The following CNTLN variants were observed in gnomAD, a reference collection of about 807,000 sequenced individuals.
CNTLN encodes the protein centlein, centrosomal protein.
A neutral mutation model predicts 180.0 loss-of-function variants in CNTLN; 212 were observed. That is an observed-to-expected ratio of 1.18 (90% confidence interval 1.05 to 1.32). The LOEUF (loss-of-function observed/expected upper bound fraction) is 1.32. CNTLN is among the 40% of genes most tolerant of loss of function. CNTLN has a pLI of 0.00. For synonymous variants in CNTLN, 722 were observed against 563.1 expected (o/e 1.28, Z -3.99); for missense variants, 2,095 against 1,610.9 (o/e 1.30, Z -5.14).
At chr9:17,343,574 ATT>A (rs1821648089) in intron 12 of CNTLN, among the ~76,000 whole-genome samples, 1 of 152,174 alleles carries the variant, frequency 6.6e-6, no homozygotes, top group Admixed American at 6.5e-5. Context: ...AGTTCTAAAT[ATT>A]TGATGCTATA....
At chr9:17,398,494 A>G (rs138643078) in intron 15 of CNTLN, among the ~76,000 whole-genome samples, 3 of 152,316 alleles carry the variant, frequency 2.0e-5, no homozygotes, top group East Asian at 3.9e-4. Context: ...TCATGCTATC[A>G]TAAGTTGCAT....
intron 25 of CNTLN, among the ~76,000 whole-genome samples, chr9:17,497,951 C>A (rs888015218): frequency 1.3e-5 from 2 of 152,054 alleles, no homozygotes; most frequent in African/African-American, 4.8e-5. Flanking sequence ...TAATAAACTA[C>A]ATTATCGTAT....
In CNTLN at chr9:17,135,352, A is replaced by AGG. The variant is rs1406647822; in HGVS notation, c.288_289dup (p.Ala97GlyfsTer4). The AGG allele has an allele frequency of 1.2e-6, 2 of 1,600,926 alleles. No homozygotes were observed. Among genetic ancestry groups the AGG allele is most frequent in the Admixed American group, 3.5e-5 (2 of 57,640 alleles). On this transcript the variant is annotated frameshift_variant, in exon 1 of 26. Coordinates refer to ENST00000380647, the MANE Select transcript of CNTLN (RefSeq NM_017738.4). LOFTEE classifies it high-confidence loss of function. ...CGGCTAGAGGGCATCTCGGTAGAGG[A>AGG]GGCGATGGTGACCCGGACGCAGCTG...
chr9:17,271,673 A>C (rs1450624591), intron 5 of CNTLN, among the ~76,000 whole-genome samples: 1 of 152,098 alleles, frequency 6.6e-6, no homozygotes, highest in Non-Finnish European at 1.5e-5. Flanking sequence ...CCCAGGCCAT[A>C]TCCCTACGAG....
intron 12 of CNTLN, among the ~76,000 whole-genome samples, chr9:17,350,682 G>C (rs1488856580): frequency 6.6e-6 from 1 of 152,076 alleles, no homozygotes; most frequent in Admixed American, 6.6e-5. Flanking sequence ...CCTGATGAGG[G>C]CTCTCTTCCT....
At chr9:17,430,232 C>A (rs947112235) in intron 18 of CNTLN, among the ~76,000 whole-genome samples, 1 of 151,924 alleles carries the variant, frequency 6.6e-6, no homozygotes, top group Admixed American at 6.6e-5. Flanking sequence ...TTCCAAGAAT[C>A]ATATTCCTGT....
chr9:17,228,202 C>G (rs1003523127), intron 3 of CNTLN, among the ~76,000 whole-genome samples: 9 of 152,110 alleles, frequency 5.9e-5, no homozygotes, highest in African/African-American at 2.2e-4. Flanking sequence ...ATAGCACACC[C>G]TTAGAAAATG....
intron 18 of CNTLN, among the ~76,000 whole-genome samples, chr9:17,452,586 G>T (rs1830847563): frequency 6.6e-6 from 1 of 151,986 alleles, no homozygotes; most frequent in African/African-American, 2.4e-5. Context: ...ACATATTTCT[G>T]GATTATAGAC....
At chr9:17,300,562 A>C (rs1424688002) in intron 7 of CNTLN, 1 of 152,138 alleles carries the variant, frequency 6.6e-6, no homozygotes, top group Non-Finnish European at 1.5e-5. Context: ...TATTACCTGG[A>C]TTATTGCAGT....
intron 23 of CNTLN, among the ~76,000 whole-genome samples, chr9:17,471,837 C>T (rs912724578): frequency 1.2e-4 from 18 of 152,014 alleles, no homozygotes; most frequent in African/African-American, 4.1e-4. Context: ...ATGGAAGTAG[C>T]ACCCAGTGTT....
intron 15 of CNTLN, among the ~76,000 whole-genome samples, chr9:17,406,803 A>G (rs1827427616): frequency 1.3e-5 from 2 of 151,816 alleles, no homozygotes; most frequent in Admixed American, 1.3e-4. Flanking sequence ...ATAAAGAATT[A>G]TAAAGAGAAG....
At chr9:17,462,025 C>A (rs1831479425) in intron 19 of CNTLN, among the ~76,000 whole-genome samples, 1 of 151,730 alleles carries the variant, frequency 6.6e-6, no homozygotes, top group Non-Finnish European at 1.5e-5. Flanking sequence ...TAATAAGTAG[C>A]ATTATTAATA....
chr9:17,353,173 C>T (rs1461031211), intron 12 of CNTLN, among the ~76,000 whole-genome samples: 2 of 151,704 alleles, frequency 1.3e-5, no homozygotes, highest in South Asian at 4.2e-4. Context: ...CTAGGCTAGT[C>T]TTGAACTCCT....
chr9:17,224,184 G>T (rs1246515672), intron 2 of CNTLN, among the ~76,000 whole-genome samples: 3 of 151,932 alleles, frequency 2.0e-5, no homozygotes, highest in Non-Finnish European at 4.4e-5. Context: ...ATAGCAATTT[G>T]ACATACTATG....
intron 10 of CNTLN, 64 bp downstream of exon 10, chr9:17,332,794 T>A (rs1018651098): frequency 3.0e-5 from 41 of 1,344,776 alleles, no homozygotes; most frequent in Non-Finnish European, 1.0e-5. Context: ...AAAGTAAACA[T>A]ACAGTTCATA....
Position 17,262,275 on chromosome 9 carries a change from C to T in CNTLN, c.850-11458C>T, listed in dbSNP as rs183821508. Among the ~76,000 whole-genome samples the T allele has an allele frequency of 7.3e-5, 11 of 151,544 alleles. No individual in the cohort carries two copies. In the East Asian group the frequency reaches 1.9e-3, roughly 27 times the overall value. On this transcript the variant is annotated intron_variant, in intron 5 of 25. Coordinates refer to ENST00000380647, the MANE Select transcript of CNTLN (RefSeq NM_017738.4). Reference sequence around the variant, plus strand: ...ATTCTACTATAAAGACACATGCACACGTATGTTTATTGCAGCACTATGTAC... The same window carrying T: ...ATTCTACTATAAAGACACATGCACATGTATGTTTATTGCAGCACTATGTAC...
intron 5 of CNTLN, among the ~76,000 whole-genome samples, chr9:17,253,101 G>C (rs76148281): frequency 0.018 from 2,797 of 151,522 alleles, 87 homozygotes; most frequent in African/African-American, 0.064. Flanking sequence ...TTTACTTCTG[G>C]GTTCTATATT....
intron 2 of CNTLN, among the ~76,000 whole-genome samples, chr9:17,219,273 C>A (rs904566388): frequency 1.4e-5 from 2 of 142,318 alleles, no homozygotes; most frequent in African/African-American, 5.4e-5. Context: ...TTTTTTAGGT[C>A]TTGTAAGTAC....
chr9:17,215,119 G>A (rs1351424009), intron 2 of CNTLN, among the ~76,000 whole-genome samples: 2 of 152,206 alleles, frequency 1.3e-5, no homozygotes, highest in South Asian at 2.1e-4. Context: ...TTTGGAGGAG[G>A]AGAGGAGCTC....
Sources: allele counts gnomAD v4.1 joint callset (sites outside exome capture counted in the v4.1 genomes callset), GRCh38; gene constraint gnomAD v4.1.1; transcripts MANE v1.5; gene names NCBI Gene and HGNC (gene_info 2026-07-23, HGNC 2026-07-21).